Variants in CAPRIN2 observed in about 807,000 individuals in gnomAD.
The protein encoded by CAPRIN2 is caprin-2.
CAPRIN2 carries 66 observed loss-of-function variants against 130.4 expected under a neutral mutation model. The ratio of observed to expected loss-of-function variants is 0.51; its 90% CI spans 0.42 to 0.62. The LOEUF (loss-of-function observed/expected upper bound fraction) is 0.62, where lower values mean the gene tolerates loss of function less well. CAPRIN2 is among the 20% of genes least tolerant of loss of function. The pLI is 0.00. For synonymous variants in CAPRIN2, 471 were observed against 444.1 expected (o/e 1.06, Z -0.76); for missense variants, 1,185 against 1,246.6 (o/e 0.95, Z 0.74).
exon 4 of CAPRIN2, chr12:30,735,062 C>A (rs754525342): frequency 4.3e-6 from 7 of 1,614,042 alleles, no homozygotes; most frequent in Non-Finnish European, 5.9e-6. Flanking sequence ...CCATTCAAAC[C>A]CCCTTTGAAG....
chr12:30,716,536 T>C (rs751194223), exon 13 of CAPRIN2: 1 of 1,613,996 alleles, frequency 6.2e-7, no homozygotes, highest in Non-Finnish European at 8.5e-7. Flanking sequence ...CAGTTTGTTC[T>C]ACATGTATAG....
intron 2 of CAPRIN2, among the ~76,000 whole-genome samples, chr12:30,746,982 A>T (rs1424295153): frequency 2.0e-5 from 3 of 152,228 alleles, no homozygotes; most frequent in Non-Finnish European, 2.9e-5. Context: ...ATGAGAAGTC[A>T]ATGCCTGGCT....
At chr12:30,721,354 GTA>G (rs67014335) in intron 11 of CAPRIN2, among the ~76,000 whole-genome samples, 43,371 of 152,012 alleles carry the variant, frequency 0.29, 6,366 homozygotes, top group Non-Finnish European at 0.33. Context: ...AGAGATCATA[GTA>G]TAACTGTGCT....
intron 7 of CAPRIN2, among the ~76,000 whole-genome samples, chr12:30,729,877 A>C (rs1486736734): frequency 6.6e-6 from 1 of 152,058 alleles, no homozygotes; most frequent in Non-Finnish European, 1.5e-5. Flanking sequence ...TACCAATGTG[A>C]GTAAATTCTG....
chr12:30,730,251 T>C, exon 7 of CAPRIN2: 1 of 1,611,496 alleles, frequency 6.2e-7, no homozygotes, highest in Middle Eastern at 1.7e-4. Context: ...CTTGTGGTTG[T>C]ATCTCTGGCT....
At chr12:30,714,964 T>C in exon 14 of CAPRIN2, 9 of 1,613,154 alleles carry the variant, frequency 5.6e-6, no homozygotes, top group Non-Finnish European at 7.6e-6. Flanking sequence ...CATACCTTTA[T>C]AACCACCAGG....
Position 30,734,885 on chromosome 12 carries a change from C to G in CAPRIN2, c.809+83G>C, listed in dbSNP as rs1592162172. 5 of 507,478 alleles carry G rather than the reference C, an allele frequency of 9.9e-6. No individual in the cohort carries two copies. The African/African-American group carries it at 1.2e-4, about 13-fold the overall frequency. The allele number at this position is 507,478 out of a possible 1,614,324, so 31.4% of individuals were successfully genotyped here. ...ACACACACACACACACACACACACA[C>G]ACTCTCTCTCTCACATACACACACC... On this transcript the variant is annotated intron_variant, in intron 4 of 16. Transcript: ENST00000298892.
intron 2 of CAPRIN2, among the ~76,000 whole-genome samples, chr12:30,743,890 G>GA: frequency 6.6e-6 from 1 of 152,236 alleles, no homozygotes; most frequent in East Asian, 1.9e-4. Context: ...TCATACAGGT[G>GA]ATATTTCTAT....
chr12:30,710,469 T>C lies in CAPRIN2; in HGVS notation c.2667A>G (p.Ala889=). The stretch of plus-strand genomic sequence containing the variant: ...TCACCTGAGAAGAATCACTCCACCC[T>C]GCTGTTTTATTAGCAACAGTGAGTT... Residue 889 remains alanine, a splice_region_variant and synonymous_variant, in exon 17 of 17, where the codon GCA becomes GCG. Coordinates refer to ENST00000298892, the Ensembl canonical transcript of CAPRIN2. This position sits in a 1 kb window ranked among gnomAD's most constrained non-coding sequence, Gnocchi z 4.8. The C allele has an allele frequency of 6.2e-7, 1 of 1,613,936 alleles. No individual in the cohort carries two copies. The highest frequency in any genetic ancestry group is 8.5e-7 in the Non-Finnish European group (1 of 1,179,916).
chr12:30,753,970 C>A (rs1592383738), exon 1 of CAPRIN2: 4 of 550,962 alleles, frequency 7.3e-6, no homozygotes, highest in African/African-American at 1.9e-5. Context: ...AAAGAATAAG[C>A]TTTCCACACC....
intron 3 of CAPRIN2, among the ~76,000 whole-genome samples, chr12:30,739,626 A>C (rs987691585): frequency 2.0e-5 from 3 of 152,108 alleles, no homozygotes; most frequent in Non-Finnish European, 2.9e-5. Context: ...GAGGCAGAAG[A>C]ATCGCGTGAA....
intron 3 of CAPRIN2, among the ~76,000 whole-genome samples, chr12:30,735,418 A>G (rs921444297): frequency 2.0e-5 from 3 of 152,190 alleles, no homozygotes; most frequent in Non-Finnish European, 4.4e-5. Context: ...AGGGGGTCAA[A>G]TATCTGACTC....
At chr12:30,748,025 G>A (rs1050005798) in intron 2 of CAPRIN2, among the ~76,000 whole-genome samples, 1 of 152,188 alleles carries the variant, frequency 6.6e-6, no homozygotes, top group Non-Finnish European at 1.5e-5. Context: ...AATAGATGAG[G>A]AGTTGCTTCT....
chr12:30,750,976 T>C (rs1321772258), intron 2 of CAPRIN2, 95 bp downstream of exon 3: 1 of 873,316 alleles, frequency 1.1e-6, no homozygotes, highest in Non-Finnish European at 1.9e-6. Context: ...TAACTGTGTG[T>C]GTGTGTGCTA....
exon 1 of CAPRIN2, chr12:30,753,870 G>T (rs1481981533): frequency 1.8e-6 from 2 of 1,107,608 alleles, no homozygotes; most frequent in African/African-American, 3.1e-5. Flanking sequence ...TCCACATAGG[G>T]AGGAAGAACT....
intron 5 of CAPRIN2, 50 bp downstream of exon 6, chr12:30,733,579 G>T (rs1439875199): frequency 3.2e-6 from 4 of 1,245,338 alleles, no homozygotes; most frequent in East Asian, 2.3e-5. Context: ...TAAACTTCTA[G>T]ACATAAAGTT....
exon 8 of CAPRIN2, chr12:30,729,146 C>T (rs1235831262): frequency 1.2e-6 from 2 of 1,613,954 alleles, no homozygotes; most frequent in East Asian, 2.2e-5. Context: ...CCTCCTGGTG[C>T]TTACCAGAAG....
chr12:30,737,040 T>C (rs1450692064), intron 3 of CAPRIN2, among the ~76,000 whole-genome samples: 1 of 152,210 alleles, frequency 6.6e-6, no homozygotes, highest in Non-Finnish European at 1.5e-5. Flanking sequence ...AGTATCATTA[T>C]GCCATCCAGG....
chr12:30,741,576 T>C (rs1592239156), intron 2 of CAPRIN2, among the ~76,000 whole-genome samples: 1 of 152,196 alleles, frequency 6.6e-6, no homozygotes, highest in South Asian at 2.1e-4. Flanking sequence ...ACAAACAATA[T>C]GCAATGTCCT....
Sources: gnomAD v4.1 joint callset for allele counts (sites outside exome capture counted in the v4.1 genomes callset) on GRCh38, gnomAD v4.1.1 for gene constraint, Gnocchi (gnomAD v3.1) non-coding constraint, MANE v1.5 for transcripts, NCBI Gene and HGNC (gene_info 2026-07-23, HGNC 2026-07-21) for gene names.